ATP8A2: variants seen among roughly 807,000 people sequenced by gnomAD.
The protein encoded by ATP8A2 is phospholipid-transporting ATPase IB.
In ATP8A2, 100 loss-of-function variants were observed where a neutral mutation model predicts 165.6. The observed-to-expected ratio is 0.60, with a 90% CI of 0.51 to 0.71. ATP8A2 has a LOEUF of 0.71. ATP8A2 is among the 30% of genes least tolerant of loss of function. The probability of loss-of-function intolerance (pLI) is 0.00; values close to 1 mark genes in which losing one functional copy is unlikely to be tolerated. For missense variants in ATP8A2, 1,227 were observed against 1,479.5 expected, an observed-to-expected ratio of 0.83 and a Z score of 2.80; for synonymous variants, 543 against 548.8, an observed-to-expected ratio of 0.99 and a Z score of 0.15.
At chr13:25,869,140 G>A (rs1316871467) in intron 33 of ATP8A2, among the ~76,000 whole-genome samples, 1 of 150,916 alleles carries the variant, frequency 6.6e-6, no homozygotes, top group African/African-American at 2.4e-5. Context: ...CAGTTGAGCA[G>A]TGCTAGCTAA....
rs1957134385 is a variant in ATP8A2 at position 26,024,662 on chromosome 13, T to C, written c.*4677T>C. 6.6e-6 allele frequency: 1 copy of C among 152,216 alleles called. No individual in the cohort carries two copies. The highest frequency in any genetic ancestry group is 2.1e-4 in the South Asian group (1 of 4,832). 9.4% of individuals were successfully genotyped at this position (152,216 alleles called of 1,614,324 possible). A position where few individuals can be genotyped will look rare whatever the true frequency, so the allele number is the denominator to read the frequency against. ...AGAGGGATTCTTTTTACACCCAGGC[T>C]GGCGCATTTTCAAGTGACAATCTCG... On this transcript the variant is annotated 3_prime_UTR_variant, in exon 37 of 37. Transcript: ENST00000381655.
rs974618447 is a variant in ATP8A2 at position 25,372,156 on chromosome 13, C to A, written c.-57C>A. 1.6e-5 allele frequency: 20 copies of A among 1,287,990 alleles called. No individual in the cohort carries two copies. The highest frequency in any genetic ancestry group is 5.8e-5 in the Admixed American group (2 of 34,386). 79.8% of individuals were successfully genotyped at this position (1,287,990 alleles called of 1,614,324 possible). A position where few individuals can be genotyped will look rare whatever the true frequency, so the allele number is the denominator to read the frequency against. ...CTCGGGCGGCGGCCCCTGCGCCCAG[C>A]CCTGCGCGTAGCCTCCGTCTCTCGC... On this transcript the variant is annotated 5_prime_UTR_variant, in exon 1 of 37. Coordinates refer to ENST00000381655, the MANE Select transcript of ATP8A2 (RefSeq NM_016529.6). The surrounding 1 kb of genome is among the most constrained non-coding windows in gnomAD (Gnocchi z 4.8).
At chr13:25,963,662 T>C (rs1046262833) in intron 34 of ATP8A2, among the ~76,000 whole-genome samples, 1 of 152,350 alleles carries the variant, frequency 6.6e-6, no homozygotes, top group African/African-American at 2.4e-5. Flanking sequence ...ATTAGTGTCA[T>C]TAAAACAATT....
intron 1 of ATP8A2, among the ~76,000 whole-genome samples, chr13:25,390,271 G>A (rs1189528742): frequency 1.3e-5 from 2 of 152,204 alleles, no homozygotes; most frequent in Non-Finnish European, 2.9e-5. Context: ...TGGGATTACA[G>A]GCATGAGCCA....
intron 2 of ATP8A2, among the ~76,000 whole-genome samples, chr13:25,516,061 C>T (rs903868751): frequency 2.6e-5 from 4 of 152,154 alleles, no homozygotes; most frequent in Admixed American, 6.5e-5. Context: ...ACATGAGGGA[C>T]GGATAGATAT....
At position 26,001,895 on chromosome 13, in the gene ATP8A2, T is replaced by C. The variant is rs75797793; in HGVS notation, c.3378-10636T>C. On this transcript the variant is annotated intron_variant, in intron 35 of 36. Coordinates refer to ENST00000381655, the MANE Select transcript of ATP8A2 (RefSeq NM_016529.6). ...CCATGAAGTCCCATTTATCTGTCTT[T>C]TATTTTGTTACTTGCATTTGGCCAT... is the stretch of plus-strand genomic sequence containing the variant. Among the ~76,000 whole-genome samples, 45 of 152,346 alleles carry C rather than the reference T, an allele frequency of 3.0e-4. No homozygotes were observed. In the East Asian group the frequency reaches 7.5e-3, roughly 25 times the overall value.
At position 25,886,657 on chromosome 13, in the gene ATP8A2, C is replaced by T. The variant is rs181997133; in HGVS notation, c.3183+24249C>T. The stretch of plus-strand genomic sequence containing the variant: ...TGGGGCAGAGCATCTCCCAGGCCCA[C>T]TCCATGGAAATCTCTTCCAAGTGGC... On this transcript the variant is annotated intron_variant, in intron 33 of 36. Transcript: ENST00000381655. Among the ~76,000 whole-genome samples the T allele has an allele frequency of 6.6e-5, 10 of 152,358 alleles. No homozygotes were observed. In the East Asian group the frequency reaches 1.7e-3, roughly 26 times the overall value.
chr13:25,865,043 G>A (rs1027540951), intron 33 of ATP8A2, among the ~76,000 whole-genome samples: 2 of 152,148 alleles, frequency 1.3e-5, no homozygotes, highest in African/African-American at 4.8e-5. Context: ...AGGATTGCTT[G>A]GGTGGATAGT....
At chr13:25,774,990 G>A (rs538013751) in intron 27 of ATP8A2, 31 bp downstream of exon 27, 179 of 1,282,348 alleles carry the variant, frequency 1.4e-4, no homozygotes, top group Admixed American at 2.1e-4. Flanking sequence ...TCCTTGAAGA[G>A]AAAGTTCTTT....
intron 1 of ATP8A2, among the ~76,000 whole-genome samples, chr13:25,400,035 A>G (rs964339231): frequency 4.2e-5 from 1 of 23,542 alleles, no homozygotes; most frequent in African/African-American, 1.4e-4. Context: ...CCATCCTCCC[A>G]CCTCAGCCTC....
chr13:25,889,754 T>C (rs1393127752), intron 33 of ATP8A2, among the ~76,000 whole-genome samples: 1 of 152,156 alleles, frequency 6.6e-6, no homozygotes, highest in African/African-American at 2.4e-5. Context: ...GACTGTGACT[T>C]TGCCACTATT....
In ATP8A2 at chr13:25,883,844, T is replaced by C. The variant is rs577634003; in HGVS notation, c.3183+21436T>C. The stretch of plus-strand genomic sequence containing the variant: ...GGCCTGCGTGTGCAAGTCAGGGTCA[T>C]GCAGGAAAACCTTGCAAGTTCCTGA... On this transcript the variant is annotated intron_variant, in intron 33 of 36. Transcript: ENST00000381655. Among the ~76,000 whole-genome samples the C allele has an allele frequency of 5.9e-5, 9 of 152,344 alleles. No homozygotes were observed. The East Asian group carries it at 1.7e-3, about 29-fold the overall frequency.
At chr13:25,978,926 C>T (rs1012400904) in intron 35 of ATP8A2, among the ~76,000 whole-genome samples, 2 of 151,522 alleles carry the variant, frequency 1.3e-5, no homozygotes, top group African/African-American at 2.4e-5. Context: ...GGCGACAGAG[C>T]GAGACTACGG....
chr13:25,805,288 C>T (rs1950710920), intron 27 of ATP8A2, among the ~76,000 whole-genome samples: 1 of 152,022 alleles, frequency 6.6e-6, no homozygotes, highest in Admixed American at 6.6e-5. Context: ...GTGGACATAT[C>T]ACTTGAGCCT....
At chr13:25,730,846 C>G (rs1392321702) in intron 25 of ATP8A2, among the ~76,000 whole-genome samples, 1 of 151,868 alleles carries the variant, frequency 6.6e-6, no homozygotes, top group Non-Finnish European at 1.5e-5. Flanking sequence ...GAGGCCAAGA[C>G]AGGAGAATTA....
chr13:25,551,277 C>T (rs777445062), intron 10 of ATP8A2, 61 bp from the exon 11 acceptor site: 2 of 1,510,930 alleles, frequency 1.3e-6, no homozygotes, highest in Non-Finnish European at 9.0e-7. Context: ...CCTCCTTTCC[C>T]CCAACCCCTT....
At chr13:25,985,288 A>G (rs1956256105) in intron 35 of ATP8A2, among the ~76,000 whole-genome samples, 1 of 152,266 alleles carries the variant, frequency 6.6e-6, no homozygotes, top group Non-Finnish European at 1.5e-5. Context: ...CTAGGTGTAT[A>G]TCTCAAGGTC....
chr13:25,823,042 A>G (rs1047022469), intron 27 of ATP8A2, among the ~76,000 whole-genome samples: 8 of 152,218 alleles, frequency 5.3e-5, no homozygotes, highest in African/African-American at 1.7e-4. Context: ...TTTAGGTGCA[A>G]AATAATAAAG....
intron 32 of ATP8A2, among the ~76,000 whole-genome samples, chr13:25,861,209 G>T (rs1306103224): frequency 6.6e-6 from 1 of 152,100 alleles, no homozygotes. Flanking sequence ...GACAGTCACT[G>T]TTAATGCTTT....
Sources: gnomAD v4.1 joint callset for allele counts (sites outside exome capture counted in the v4.1 genomes callset) on GRCh38, gnomAD v4.1.1 for gene constraint, Gnocchi (gnomAD v3.1) non-coding constraint, MANE v1.5 for transcripts, NCBI Gene and HGNC (gene_info 2026-07-23, HGNC 2026-07-21) for gene names.